The following TIMP2 variants were observed in gnomAD, a reference collection of about 807,000 sequenced individuals.
TIMP2 encodes metalloproteinase inhibitor 2.
In TIMP2, 5 loss-of-function variants were observed where a neutral mutation model predicts 24.3. That is an observed-to-expected ratio of 0.21 (90% confidence interval 0.11 to 0.43). The LOEUF (loss-of-function observed/expected upper bound fraction) is 0.43. TIMP2 is among the 20% of genes least tolerant of loss of function. The pLI, the probability that TIMP2 is intolerant of heterozygous loss-of-function variation, is 1.00. For missense variants in TIMP2, 221 were observed against 297.5 expected, an observed-to-expected ratio of 0.74 and a Z score of 1.89; for synonymous variants, 130 against 123.2, an observed-to-expected ratio of 1.06 and a Z score of -0.37.
At chr17:78,873,992 C>A in intron 1 of TIMP2, 73 bp from the exon 2 acceptor site, 2 of 1,410,634 alleles carry the variant, frequency 1.4e-6, no homozygotes, top group Non-Finnish European at 2.0e-6. Context: ...AGGGATAAGA[C>A]GTCCAGGCCT....
rs116072279 is a variant in TIMP2, at chr17:78,880,701, G to T, written c.131-6782C>A. On this transcript the variant is annotated intron_variant, in intron 1 of 4. Coordinates refer to ENST00000262768, the MANE Select transcript of TIMP2 (RefSeq NM_003255.5). Reference sequence around the variant, plus strand: ...GGTGAAAGAACCAGACCCTGCCTTTGAAAGAAAAAGAAAATTGCCTGTAAG... The same window carrying T: ...GGTGAAAGAACCAGACCCTGCCTTTTAAAGAAAAAGAAAATTGCCTGTAAG... 3.7e-3 allele frequency among the ~76,000 whole-genome samples: 563 copies of T among 152,288 alleles called. 3 individuals carry two copies. The highest frequency in any genetic ancestry group is 0.02 in the Middle Eastern group (6 of 294).
rs1228388291 is a variant in TIMP2 at position 78,924,662 on chromosome 17, C to A, written c.130+297G>T. ...CCAGCGCTGGCATCCCAGGGCGCGC[C>A]GCCTGCCAAAAGCCAAACTGGCTCC... On this transcript the variant is annotated intron_variant, in intron 1 of 4. Coordinates refer to ENST00000262768, the MANE Select transcript of TIMP2 (RefSeq NM_003255.5). The surrounding 1 kb of genome is among the most constrained non-coding windows in gnomAD (Gnocchi z 5.3). Among the ~76,000 whole-genome samples, 1 of 152,168 alleles carries A rather than the reference C, an allele frequency of 6.6e-6. No individual in the cohort carries two copies. The highest frequency in any genetic ancestry group is 2.1e-4 in the South Asian group (1 of 4,836).
At chr17:78,918,177 C>G (rs1294392257) in intron 1 of TIMP2, among the ~76,000 whole-genome samples, 1 of 152,188 alleles carries the variant, frequency 6.6e-6, no homozygotes, top group East Asian at 1.9e-4. Flanking sequence ...TTCACACACT[C>G]TGGGTTAGGA....
At chr17:78,914,122 G>T (rs2070233363) in intron 1 of TIMP2, among the ~76,000 whole-genome samples, 1 of 152,164 alleles carries the variant, frequency 6.6e-6, no homozygotes, top group East Asian at 1.9e-4. Flanking sequence ...ACCTGGGAGA[G>T]CAGGCAGCTG....
intron 1 of TIMP2, among the ~76,000 whole-genome samples, chr17:78,914,931 C>G (rs1478376574): frequency 7.0e-6 from 1 of 142,778 alleles, no homozygotes; most frequent in Non-Finnish European, 1.5e-5. Flanking sequence ...GAGTCTTGCT[C>G]TGTTGCCCAG....
In TIMP2 at chr17:78,916,340, A is replaced by G. The variant is rs573910838; in HGVS notation, c.130+8619T>C. 3.9e-5 allele frequency among the ~76,000 whole-genome samples: 6 copies of G among 152,122 alleles called. No individual in the cohort carries two copies. In the East Asian group the frequency reaches 1.2e-3, roughly 29 times the overall value. Reference sequence around the variant, plus strand: ...CTACTGCTGGCTCCCTTCCCCCTCAATGCTCCGTTTCCTGTTCCCTCCAAG... The same window carrying G: ...CTACTGCTGGCTCCCTTCCCCCTCAGTGCTCCGTTTCCTGTTCCCTCCAAG... On this transcript the variant is annotated intron_variant, in intron 1 of 4. Transcript: ENST00000262768.
chr17:78,854,772 T>C lies in TIMP2; in HGVS notation c.*895A>G, dbSNP rs956190046. ...CCCGGATAAAGCAAAGCTGTGCAAC[T>C]CAATCCAGGTGCCTGATGCCAGAAC... is the stretch of plus-strand genomic sequence containing the variant. On this transcript the variant is annotated 3_prime_UTR_variant, in exon 5 of 5. Transcript: ENST00000262768. 1 of 151,982 alleles carries C rather than the reference T, an allele frequency of 6.6e-6. No individual in the cohort carries two copies. Among genetic ancestry groups the C allele is most frequent in the African/African-American group, 2.4e-5 (1 of 41,350 alleles). The allele number at this position is 151,982 out of a possible 1,614,324, so 9.4% of individuals were successfully genotyped here.
chr17:78,865,757 A>C (rs577979292), intron 3 of TIMP2, among the ~76,000 whole-genome samples: 1 of 152,314 alleles, frequency 6.6e-6, no homozygotes, highest in East Asian at 1.9e-4. Flanking sequence ...GTGCCACTGC[A>C]CTCCAGCCTG....
intron 1 of TIMP2, among the ~76,000 whole-genome samples, chr17:78,874,899 C>A (rs1054337750): frequency 6.6e-6 from 1 of 152,202 alleles, no homozygotes; most frequent in African/African-American, 2.4e-5. Flanking sequence ...TGCCACCACA[C>A]CCAGCTAATT....
intron 3 of TIMP2, among the ~76,000 whole-genome samples, chr17:78,864,818 A>AC (rs2069596273): frequency 6.6e-6 from 1 of 152,064 alleles, no homozygotes; most frequent in Non-Finnish European, 1.5e-5. Flanking sequence ...TTGGGAAGCC[A>AC]AGGCAGGCGG....
At chr17:78,886,314 C>T (rs1309765665) in intron 1 of TIMP2, among the ~76,000 whole-genome samples, 4 of 152,190 alleles carry the variant, frequency 2.6e-5, no homozygotes, top group Admixed American at 2.6e-4. Context: ...ATAACCCACT[C>T]AAAGGCAGGC....
At position 78,874,153 on chromosome 17, in the gene TIMP2, T is replaced by C. The variant is rs879479065; in HGVS notation, c.131-234A>G. ...TCCTTCCACGATTCTTCAACAAGAA[T>C]CCCTTCTTTGTTGACAGGGGCCCAA... On this transcript the variant is annotated intron_variant, in intron 1 of 4. Coordinates refer to ENST00000262768, the MANE Select transcript of TIMP2 (RefSeq NM_003255.5). 8.1e-6 allele frequency: 4 copies of C among 494,896 alleles called. No homozygotes were observed. In the Admixed American group the frequency reaches 1.1e-4, roughly 14 times the overall value. The allele number at this position is 494,896 out of a possible 1,614,324, so 30.7% of individuals were successfully genotyped here.
chr17:78,862,887 T>C (rs954810045), intron 3 of TIMP2, among the ~76,000 whole-genome samples: 1 of 152,240 alleles, frequency 6.6e-6, no homozygotes, highest in African/African-American at 2.4e-5. Flanking sequence ...GCAAAGGACA[T>C]GATTTCCCTC....
intron 1 of TIMP2, among the ~76,000 whole-genome samples, chr17:78,922,753 A>G (rs2070317300): frequency 6.6e-6 from 1 of 152,166 alleles, no homozygotes; most frequent in Admixed American, 6.6e-5. Flanking sequence ...CAGGAGGCGG[A>G]GGCTGCAGCG....
At chr17:78,857,785 G>A in intron 3 of TIMP2, 139 bp from the exon 4 acceptor site, 1 of 1,189,070 alleles carries the variant, frequency 8.4e-7, no homozygotes, top group Non-Finnish European at 1.2e-6. Context: ...AAACACAGTG[G>A]GTGGCCAGGC....
chr17:78,890,892 G>C (rs575706704), intron 1 of TIMP2: 1 of 1,550,484 alleles, frequency 6.4e-7, no homozygotes, highest in Admixed American at 2.0e-5. Context: ...TCTTTTTCTA[G>C]CTCAGCTTTG....
In TIMP2 at chr17:78,854,921, C is replaced by CGG. The variant is rs71161632; in HGVS notation, c.*744_*745dup. ...TCCTGCAAGCTGGGGAGCATGTGGG[C>CGG]GGGGGGGGGGGGGTGGGGGGGTGGG... is the stretch of plus-strand genomic sequence containing the variant. On this transcript the variant is annotated 3_prime_UTR_variant, in exon 5 of 5. Coordinates refer to ENST00000262768, the MANE Select transcript of TIMP2 (RefSeq NM_003255.5). 23 of 39,092 alleles carry CGG rather than the reference C, an allele frequency of 5.9e-4. No homozygotes were observed. The highest frequency in any genetic ancestry group is 1.6e-3 in the African/African-American group (16 of 10,278). 2.4% of individuals were successfully genotyped at this position (39,092 alleles called of 1,614,324 possible). A position where few individuals can be genotyped will look rare whatever the true frequency, so the allele number is the denominator to read the frequency against.
chr17:78,920,387 G>A lies in TIMP2; in HGVS notation c.130+4572C>T, dbSNP rs2070300278. 1.3e-5 allele frequency among the ~76,000 whole-genome samples: 2 copies of A among 152,120 alleles called. No homozygotes were observed. The highest frequency in any genetic ancestry group is 1.3e-4 in the Admixed American group (2 of 15,272). ...GGGTGCAAATAGGGGAGGCCCGAGA[G>A]GCTCTGAGGCTGGCACTGTCCTCAG... On this transcript the variant is annotated intron_variant, in intron 1 of 4. Transcript: ENST00000262768. This position sits in a 1 kb window ranked among gnomAD's most constrained non-coding sequence, Gnocchi z 4.5.
intron 1 of TIMP2, among the ~76,000 whole-genome samples, chr17:78,919,499 C>T (rs1010059445): frequency 3.1e-4 from 47 of 152,270 alleles, no homozygotes; most frequent in African/African-American, 1.1e-3. Context: ...GGCTTCTTCA[C>T]CCTCCCTTAC....
Sources: allele counts gnomAD v4.1 joint callset (sites outside exome capture counted in the v4.1 genomes callset), GRCh38; gene constraint gnomAD v4.1.1; non-coding constraint Gnocchi (gnomAD v3.1); transcripts MANE v1.5; gene names NCBI Gene and HGNC (gene_info 2026-07-23, HGNC 2026-07-21).